The following CDH13 variants were observed in gnomAD, a reference collection of about 807,000 sequenced individuals.
CDH13 encodes the protein cadherin 13, also known as cadherin-13.
Under a neutral mutation model 63.8 loss-of-function variants are expected in CDH13, and 24 were observed. The observed-to-expected ratio is 0.38, with a 90% confidence interval of 0.27 to 0.53. The LOEUF is 0.53. Among genes scored for constraint, CDH13 ranks in the 20% least tolerant of loss-of-function variants. CDH13 has a pLI of 0.85. For missense variants in CDH13, 1,049 were observed against 903.1 expected (o/e 1.16, Z -2.07); for synonymous variants, 503 against 355.3 (o/e 1.42, Z -4.67).
intron 1 of CDH13, among the ~76,000 whole-genome samples, chr16:82,700,277 C>G (rs548443920): frequency 6.6e-6 from 1 of 152,170 alleles, no homozygotes; most frequent in African/African-American, 2.4e-5. Context: ...ATCTACTTGA[C>G]CTGGGAACCC....
At position 83,573,330 on chromosome 16, in the gene CDH13, G is replaced by C. The variant is rs116939879; in HGVS notation, c.961-29124G>C. Among the ~76,000 whole-genome samples the C allele has an allele frequency of 2.0e-3, 304 of 152,198 alleles. 6 individuals carry two copies. In the East Asian group the frequency reaches 0.053, roughly 26 times the overall value. The stretch of plus-strand genomic sequence containing the variant: ...GTACTGGTGGGTGTGGCTCAGTTCT[G>C]CCTAGTCACCATTCAGTGGTGGGTC... On this transcript the variant is annotated intron_variant, in intron 7 of 13. Coordinates refer to ENST00000567109, the MANE Select transcript of CDH13 (RefSeq NM_001257.5).
At chr16:82,760,051 A>G (rs2034773565) in intron 1 of CDH13, among the ~76,000 whole-genome samples, 1 of 152,192 alleles carries the variant, frequency 6.6e-6, no homozygotes, top group South Asian at 2.1e-4. Context: ...AAAGATCTGG[A>G]GCATTCTACT....
chr16:83,762,940 C>T (rs1914093076), intron 11 of CDH13, among the ~76,000 whole-genome samples: 1 of 152,148 alleles, frequency 6.6e-6, no homozygotes, highest in South Asian at 2.1e-4. Flanking sequence ...AAGACGAAAA[C>T]AAAAGGTGTC....
At chr16:83,688,663 A>T (rs79880668) in intron 10 of CDH13, among the ~76,000 whole-genome samples, 3,069 of 152,288 alleles carry the variant, frequency 0.02, 109 homozygotes, top group Admixed American at 0.074. Flanking sequence ...GTCAACAAAC[A>T]CAGAGTTTGA....
intron 5 of CDH13, among the ~76,000 whole-genome samples, chr16:83,293,652 G>A (rs781254283): frequency 8.9e-4 from 135 of 152,278 alleles, no homozygotes; most frequent in South Asian, 1.2e-3. Context: ...ATATTATAGT[G>A]AGAAATGTAA....
At chr16:82,710,575 AT>A (rs1455165549) in intron 1 of CDH13, among the ~76,000 whole-genome samples, 27 of 124,570 alleles carry the variant, frequency 2.2e-4, no homozygotes, top group African/African-American at 6.4e-4. Context: ...ATATATATAT[AT>A]AAATATATTT....
intron 4 of CDH13, among the ~76,000 whole-genome samples, chr16:83,142,876 G>C (rs2036595227): frequency 6.6e-6 from 1 of 152,178 alleles, no homozygotes; most frequent in South Asian, 2.1e-4. Context: ...GCCGAGGCGG[G>C]CAGATCACCT....
At chr16:83,516,127 AAG>A (rs1460711685) in intron 7 of CDH13, among the ~76,000 whole-genome samples, 2 of 152,220 alleles carry the variant, frequency 1.3e-5, no homozygotes, top group African/African-American at 4.8e-5. Context: ...GTATAACATA[AAG>A]AGATGTCCTC....
intron 2 of CDH13, among the ~76,000 whole-genome samples, chr16:82,901,118 A>G (rs1336876969): frequency 6.6e-6 from 1 of 150,512 alleles, no homozygotes; most frequent in African/African-American, 2.5e-5. Flanking sequence ...GAAAGAGAGC[A>G]TGATCTCCTG....
At chr16:83,046,112 T>C (rs1326967420) in intron 3 of CDH13, among the ~76,000 whole-genome samples, 1 of 152,180 alleles carries the variant, frequency 6.6e-6, no homozygotes, top group Non-Finnish European at 1.5e-5. Context: ...AATCTCATCA[T>C]AGTTGATGTT....
chr16:83,546,970 C>T (rs1032819855), intron 7 of CDH13, among the ~76,000 whole-genome samples: 3 of 152,174 alleles, frequency 2.0e-5, no homozygotes, highest in Non-Finnish European at 4.4e-5. Context: ...GGAAGGGACA[C>T]CTCCGGTCCT....
At chr16:83,528,837 TCTCCCCATGC>T (rs2075019190) in intron 7 of CDH13, among the ~76,000 whole-genome samples, 1 of 152,212 alleles carries the variant, frequency 6.6e-6, no homozygotes. Context: ...TCAATCCCAG[TCTCCCCATGC>T]CTTTTTTCTT....
chr16:83,020,967 A>C (rs1567751650), intron 2 of CDH13, among the ~76,000 whole-genome samples: 1 of 152,146 alleles, frequency 6.6e-6, no homozygotes, highest in African/African-American at 2.4e-5. Context: ...ACATTAATTT[A>C]CCCTTGAGAT....
chr16:83,217,314 G>T lies in CDH13; in HGVS notation c.484-31G>T, dbSNP rs751184671. The T allele has an allele frequency of 2.2e-5, 36 of 1,612,540 alleles. No homozygotes were observed. The South Asian group carries it at 3.2e-4, about 14-fold the overall frequency. On this transcript the variant is annotated intron_variant, in intron 4 of 13. Transcript: ENST00000567109. ...GTGCTTTCTCTGTGTTTTCCAGGCAGTTTTAAATGTCTCTCTGTTTTTCTG... is the reference window on the plus strand; with the variant it reads ...GTGCTTTCTCTGTGTTTTCCAGGCATTTTTAAATGTCTCTCTGTTTTTCTG...
chr16:82,748,326 T>G (rs1301120951), intron 1 of CDH13, among the ~76,000 whole-genome samples: 1 of 152,250 alleles, frequency 6.6e-6, no homozygotes, highest in Non-Finnish European at 1.5e-5. Context: ...TAATTTACTA[T>G]GCAGAGTGTG....
chr16:83,311,636 G>A (rs551741427), intron 5 of CDH13, among the ~76,000 whole-genome samples: 32 of 152,288 alleles, frequency 2.1e-4, no homozygotes, highest in African/African-American at 7.0e-4. Context: ...TACTAACAAC[G>A]TGCCTTGTTG....
At chr16:83,125,231 A>G (rs2035758478) in intron 3 of CDH13, among the ~76,000 whole-genome samples, 154 bp from the exon 4 acceptor site, 1 of 152,204 alleles carries the variant, frequency 6.6e-6, no homozygotes, top group Non-Finnish European at 1.5e-5. Flanking sequence ...TTATTCTAGT[A>G]ATGTACTTGG....
intron 10 of CDH13, among the ~76,000 whole-genome samples, chr16:83,723,511 T>A (rs1909963010): frequency 6.6e-6 from 1 of 152,188 alleles, no homozygotes; most frequent in African/African-American, 2.4e-5. Context: ...GGCCTTCATG[T>A]GACTGTCTCC....
At chr16:82,805,223 G>C (rs886370601) in intron 1 of CDH13, among the ~76,000 whole-genome samples, 1 of 152,272 alleles carries the variant, frequency 6.6e-6, no homozygotes, top group African/African-American at 2.4e-5. Flanking sequence ...TGGGAGAGAG[G>C]TCTTGCAACC....
Sources: gnomAD v4.1 joint callset for allele counts (sites outside exome capture counted in the v4.1 genomes callset) on GRCh38, gnomAD v4.1.1 for gene constraint, MANE v1.5 for transcripts, NCBI Gene and HGNC (gene_info 2026-07-23, HGNC 2026-07-21) for gene names.